Variants in TMEM64 observed in about 807,000 individuals in gnomAD.
TMEM64 encodes the protein transmembrane protein 64.
Under a neutral mutation model 24.5 loss-of-function variants are expected in TMEM64, and 19 were observed. The ratio of observed to expected loss-of-function variants is 0.78; its 90% confidence interval spans 0.54 to 1.14. TMEM64 has a LOEUF of 1.14. Among genes scored for constraint, TMEM64 ranks in the 50% most tolerant of loss-of-function variants. The probability of loss-of-function intolerance (pLI) is 0.00; values close to 1 mark genes in which losing one functional copy is unlikely to be tolerated. For synonymous variants in TMEM64, 262 were observed against 224.7 expected, an observed-to-expected ratio of 1.17 and a Z score of -1.49; for missense variants, 487 against 493.0, an observed-to-expected ratio of 0.99 and a Z score of 0.12.
chr8:90,645,661 G>A lies in TMEM64; in HGVS notation c.245C>T (p.Pro82Leu), dbSNP rs747028290. The A allele has an allele frequency of 3.9e-5, 59 of 1,525,182 alleles. No homozygotes were observed. The African/African-American group carries it at 7.7e-4, about 20-fold the overall frequency. 94.5% of individuals were successfully genotyped at this position (1,525,182 alleles called of 1,614,324 possible). A position where few individuals can be genotyped will look rare whatever the true frequency, so the allele number is the denominator to read the frequency against. Reference sequence around the variant, plus strand: ...GCCCGCCAAGGCCCCGCCCGGCTCCGGCAGCTCCGAAGCCTCGGGCGGACC... The same window carrying A: ...GCCCGCCAAGGCCCCGCCCGGCTCCAGCAGCTCCGAAGCCTCGGGCGGACC... The part of the protein sequence containing the change: ...RHGPPEASEL[P>L]EPGGALAGGP... The change falls in exon 1 of 3, where the codon CCG becomes CTG. Residue 82 changes from proline (P) to leucine (L), a missense_variant. Transcript: ENST00000458549. This position sits in a 1 kb window ranked among gnomAD's most constrained non-coding sequence, Gnocchi z 4.2.
rs556757981 is a variant in TMEM64, at chr8:90,629,430, C to A, written c.951+2122G>T. Among the ~76,000 whole-genome samples, 73 of 151,876 alleles carry A rather than the reference C, an allele frequency of 4.8e-4. 3 individuals carry two copies. The South Asian group carries it at 0.015, about 30-fold the overall frequency. Reference sequence around the variant, plus strand: ...GTAAAAGTTCTCTCTAAGCTACTAACAATGAGGGATTCTAATTACTCAAAT... The same window carrying A: ...GTAAAAGTTCTCTCTAAGCTACTAAAAATGAGGGATTCTAATTACTCAAAT... On this transcript the variant is annotated intron_variant, in intron 2 of 2. Coordinates refer to ENST00000458549, the MANE Select transcript of TMEM64 (RefSeq NM_001008495.4).
In TMEM64 at chr8:90,645,408, G is replaced by A; in HGVS notation, c.498C>T (p.Gly166=). The A allele has an allele frequency of 6.4e-7, 1 of 1,551,756 alleles. No individual in the cohort carries two copies. The highest frequency in any genetic ancestry group is 8.7e-7 in the Non-Finnish European group (1 of 1,147,032). ...SLLGVLLFVV[G]FIVVSFPCGW... Reference sequence around the variant, plus strand: ...CGCAGGGGAAAGAGACCACGATGAAGCCCACGACGAAGAGCAGGACCCCCA... The same window carrying A: ...CGCAGGGGAAAGAGACCACGATGAAACCCACGACGAAGAGCAGGACCCCCA... The change falls in exon 1 of 3, where the codon GGC becomes GGT. Residue 166 remains glycine, a synonymous_variant. Transcript: ENST00000458549. The surrounding 1 kb of genome is among the most constrained non-coding windows in gnomAD (Gnocchi z 4.2).
At chr8:90,642,734 C>T (rs1001804684) in intron 1 of TMEM64, among the ~76,000 whole-genome samples, 26 of 150,078 alleles carry the variant, frequency 1.7e-4, no homozygotes, top group Non-Finnish European at 3.1e-4. Context: ...TATCCAGGGG[C>T]TTCACAGTCC....
At chr8:90,643,077 A>C (rs1393101488) in intron 1 of TMEM64, among the ~76,000 whole-genome samples, 4 of 152,224 alleles carry the variant, frequency 2.6e-5, no homozygotes, top group Non-Finnish European at 5.9e-5. Context: ...AGACAAAATC[A>C]AAAGAAAAGC....
At chr8:90,636,419 C>A (rs1318905671) in intron 1 of TMEM64, among the ~76,000 whole-genome samples, 2 of 152,122 alleles carry the variant, frequency 1.3e-5, no homozygotes, top group Non-Finnish European at 2.9e-5. Flanking sequence ...CCACACCTGG[C>A]TAATTTTTGT....
At chr8:90,626,375 C>T (rs1809359593) in intron 2 of TMEM64, among the ~76,000 whole-genome samples, 1 of 152,156 alleles carries the variant, frequency 6.6e-6, no homozygotes, top group South Asian at 2.1e-4. Flanking sequence ...TGCCAATAAA[C>T]TTCCAAAGAA....
At chr8:90,627,444 T>C (rs964621502) in intron 2 of TMEM64, among the ~76,000 whole-genome samples, 2 of 129,842 alleles carry the variant, frequency 1.5e-5, no homozygotes, top group East Asian at 2.2e-4. Flanking sequence ...GGAAACACCA[T>C]GTAAAGAGAT....
intron 2 of TMEM64, among the ~76,000 whole-genome samples, chr8:90,630,230 T>A (rs1267405486): frequency 1.3e-5 from 2 of 152,228 alleles, no homozygotes; most frequent in African/African-American, 4.8e-5. Context: ...TATCCTTCCA[T>A]GCTTTAAATG....
chr8:90,645,202 A>G lies in TMEM64; in HGVS notation c.704T>C (p.Ile235Thr). The G allele has an allele frequency of 6.2e-7, 1 of 1,614,176 alleles. No individual in the cohort carries two copies. Among genetic ancestry groups the G allele is most frequent in the Non-Finnish European group, 8.5e-7 (1 of 1,180,032 alleles). ...IQSSEKLSAV[I>T]RVVEGGSGLK... ...GCCGCTTCCTCCCTCCACTACGCGA[A>G]TAACCGCGCTCAGCTTCTCGCTGCT... is the stretch of plus-strand genomic sequence containing the variant. The change falls in exon 1 of 3, where the codon ATT (isoleucine) becomes ACT (threonine). Residue 235 changes from isoleucine to threonine, a missense_variant. By Grantham distance (89) the Ile-to-Thr change is moderately conservative. Coordinates refer to ENST00000458549, the MANE Select transcript of TMEM64 (RefSeq NM_001008495.4). The surrounding 1 kb of genome is among the most constrained non-coding windows in gnomAD (Gnocchi z 4.2).
chr8:90,638,962 C>T (rs1011743039), intron 1 of TMEM64, among the ~76,000 whole-genome samples: 6 of 152,100 alleles, frequency 3.9e-5, no homozygotes, highest in African/African-American at 1.4e-4. Context: ...CAGCAGCAGG[C>T]ACATACTAGG....
At chr8:90,642,998 C>G (rs989350974) in intron 1 of TMEM64, among the ~76,000 whole-genome samples, 4 of 152,146 alleles carry the variant, frequency 2.6e-5, no homozygotes, top group Non-Finnish European at 5.9e-5. Context: ...TCAGTTTCAA[C>G]TACATGATTA....
At chr8:90,639,694 C>A (rs1023839626) in intron 1 of TMEM64, among the ~76,000 whole-genome samples, 1 of 152,110 alleles carries the variant, frequency 6.6e-6, no homozygotes, top group Non-Finnish European at 1.5e-5. Flanking sequence ...AAATCATTAA[C>A]TCAATATTAT....
intron 2 of TMEM64, among the ~76,000 whole-genome samples, chr8:90,631,170 T>A (rs902375325): frequency 6.6e-6 from 1 of 152,178 alleles, no homozygotes; most frequent in Non-Finnish European, 1.5e-5. Flanking sequence ...TTTCAATAAT[T>A]TGAATATAAA....
chr8:90,631,832 G>A (rs1809444674), intron 1 of TMEM64, 125 bp from the exon 2 acceptor site: 2 of 643,326 alleles, frequency 3.1e-6, no homozygotes, highest in Non-Finnish European at 4.9e-6. Flanking sequence ...CTTTACAACA[G>A]TATTCTGAGT....
chr8:90,631,559 C>CA lies in TMEM64; in HGVS notation c.943dup (p.Cys315LeufsTer30), dbSNP rs1563955623. 1.3e-5 allele frequency: 21 copies of CA among 1,588,676 alleles called. No individual in the cohort carries two copies. Among genetic ancestry groups the CA allele is most frequent in the Non-Finnish European group, 1.7e-5 (20 of 1,162,432 alleles). ...CCTTGGCCTTAAACTCACCTGTAAA[C>CA]AAAAAACAAAATATCCACTAACACT... On this transcript the variant is annotated frameshift_variant, in exon 2 of 3. Transcript: ENST00000458549. LOFTEE classifies it high-confidence loss of function.
intron 1 of TMEM64, among the ~76,000 whole-genome samples, chr8:90,632,929 T>C (rs1261220116): frequency 6.6e-6 from 1 of 152,250 alleles, no homozygotes; most frequent in African/African-American, 2.4e-5. Flanking sequence ...ATATTTACAT[T>C]GCTTTATTTT....
At chr8:90,636,186 A>G (rs1245276404) in intron 1 of TMEM64, among the ~76,000 whole-genome samples, 1 of 152,228 alleles carries the variant, frequency 6.6e-6, no homozygotes, top group Non-Finnish European at 1.5e-5. Flanking sequence ...TAACATACAT[A>G]TACACAGGTT....
chr8:90,638,972 G>A (rs539967097), intron 1 of TMEM64, among the ~76,000 whole-genome samples: 18 of 152,152 alleles, frequency 1.2e-4, no homozygotes, highest in African/African-American at 4.1e-4. Context: ...CACATACTAG[G>A]CACCTACCAA....
rs1331506474 is a variant in TMEM64 at position 90,631,588 on chromosome 8, T to C, written c.915A>G (p.Glu305=). 1.2e-6 allele frequency: 2 copies of C among 1,612,790 alleles called. No individual in the cohort carries two copies. The highest frequency in any genetic ancestry group is 1.7e-6 in the Non-Finnish European group (2 of 1,178,970). ...TLRTMEDVIA[E]QSVSGYFVFC... is the part of the protein sequence containing the mutation. ...AAACAAAATATCCACTAACACTCTG[T>C]TCTGCAATGACATCTTCCATTGTCC... is the stretch of plus-strand genomic sequence containing the variant. Residue 305 remains glutamate, a synonymous_variant, in exon 2 of 3, where the codon GAA becomes GAG. Coordinates refer to ENST00000458549, the MANE Select transcript of TMEM64 (RefSeq NM_001008495.4).
Sources: gnomAD v4.1 joint callset for allele counts (sites outside exome capture counted in the v4.1 genomes callset) on GRCh38, gnomAD v4.1.1 for gene constraint, Gnocchi (gnomAD v3.1) non-coding constraint, MANE v1.5 for transcripts, NCBI Gene and HGNC (gene_info 2026-07-23, HGNC 2026-07-21) for gene names.